The following IRF3 variants were observed in gnomAD, a reference collection of about 807,000 sequenced individuals.
IRF3 encodes the protein interferon regulatory factor 3.
A neutral mutation model predicts 43.2 loss-of-function variants in IRF3; 29 were observed. That is an observed-to-expected ratio of 0.67 (90% CI 0.50 to 0.91). The LOEUF (loss-of-function observed/expected upper bound fraction) is 0.91, where lower values mean the gene tolerates loss of function less well. Among genes scored for constraint, IRF3 ranks in the 40% least tolerant of loss-of-function variants. The pLI is 0.00. For synonymous variants in IRF3, 228 were observed against 233.9 expected (o/e 0.97, Z 0.23); for missense variants, 505 against 559.1 (o/e 0.90, Z 0.98).
intron 4 of IRF3, among the ~76,000 whole-genome samples, chr19:49,662,946 G>A (rs145207141): frequency 1.3e-3 from 196 of 152,338 alleles, no homozygotes; most frequent in Non-Finnish European, 2.5e-3. Context: ...CCAAGAGGCT[G>A]ACAGCCCCCT....
chr19:49,664,467 A>T (rs1244698252), intron 2 of IRF3: 1 of 1,530,558 alleles, frequency 6.5e-7, no homozygotes, highest in East Asian at 2.5e-5. Context: ...TTATTCCCGT[A>T]ACCCTGCAGC....
intron 1 of IRF3, chr19:49,665,366 C>G (rs2081635570): frequency 5.8e-6 from 1 of 173,544 alleles, no homozygotes; most frequent in African/African-American, 2.4e-5. Context: ...CCCCAGGTTT[C>G]GAGACTGAAC....
At chr19:49,663,953 C>T (rs1390334894) in intron 2 of IRF3, 13 of 220,410 alleles carry the variant, frequency 5.9e-5, no homozygotes, top group Non-Finnish European at 6.5e-5. Flanking sequence ...TCCTCGGCCT[C>T]CCAAAGTGCT....
chr19:49,662,237 G>A lies in IRF3; in HGVS notation c.693C>T (p.Ser231=), dbSNP rs145949138. 8.5e-4 allele frequency: 1,379 copies of A among 1,613,806 alleles called. 1 individual carries two copies. Among genetic ancestry groups the A allele is most frequent in the Non-Finnish European group, 1.1e-3 (1,312 of 1,180,060 alleles). ...CAGGCAGCGTCCTGTCTCCCACTTC[G>A]GACCCCACCAGCCGCAGGCCCTCCG... ...SCPEGLRLVG[S]EVGDRTLPGW... is the part of the protein sequence containing the mutation. The change falls in exon 6 of 8, where the codon TCC becomes TCT. Residue 231 remains serine, a synonymous_variant. Coordinates refer to ENST00000377139, the MANE Select transcript of IRF3 (RefSeq NM_001571.6).
intron 1 of IRF3, chr19:49,665,089 T>TCC: frequency 2.0e-6 from 1 of 489,352 alleles, no homozygotes; most frequent in Non-Finnish European, 3.7e-6. Flanking sequence ...GTGCAGACCC[T>TCC]CCACTCCCTC....
At chr19:49,661,664 C>A in intron 6 of IRF3, 1 of 334,380 alleles carries the variant, frequency 3.0e-6, no homozygotes. Flanking sequence ...ACTGCAATCT[C>A]CGCCTCCTGG....
In IRF3 at chr19:49,663,603, CA is replaced by C. The variant is rs2081460362; in HGVS notation, c.166-90del. Reference sequence around the variant, plus strand: ...AACCCTGTCTCCCGAGTCCTAACACCACCCTCTTTCCCTGGCAAGTTCTAAC... The same window carrying C: ...AACCCTGTCTCCCGAGTCCTAACACCCCCTCTTTCCCTGGCAAGTTCTAAC... On this transcript the variant is annotated intron_variant, in intron 2 of 7. Coordinates refer to ENST00000377139, the MANE Select transcript of IRF3 (RefSeq NM_001571.6). The C allele has an allele frequency of 2.4e-6, 3 of 1,276,296 alleles. No homozygotes were observed. In the African/African-American group the frequency reaches 4.4e-5, roughly 19 times the overall value. The allele number at this position is 1,276,296 out of a possible 1,614,324, so 79.1% of individuals were successfully genotyped here. A position where few individuals can be genotyped will look rare whatever the true frequency, so the allele number is the denominator to read the frequency against.
Position 49,664,504 on chromosome 19 carries a change from AG to A in IRF3, c.165+169del, listed in dbSNP as rs773381194. 1.1e-5 allele frequency: 17 copies of A among 1,567,076 alleles called. No individual in the cohort carries two copies. In the African/African-American group the frequency reaches 2.3e-4, roughly 21 times the overall value. On this transcript the variant is annotated intron_variant, in intron 2 of 7. Coordinates refer to ENST00000377139, the MANE Select transcript of IRF3 (RefSeq NM_001571.6). ...CCAACCCTGCTTGCGCCCCACCATC[AG>A]TCAGCGGATCCGGCTAGCCCCGCCC...
chr19:49,665,127 C>G, intron 1 of IRF3: 1 of 393,862 alleles, frequency 2.5e-6, no homozygotes, highest in South Asian at 4.0e-5. Context: ...CCTCCTCCCT[C>G]CCCCACATCA....
rs780528022 is a variant in IRF3 at position 49,663,563 on chromosome 19, T to A, written c.166-49A>T. 4 of 1,588,006 alleles carry A rather than the reference T, an allele frequency of 2.5e-6. No homozygotes were observed. The Admixed American group carries it at 6.7e-5, about 27-fold the overall frequency. On this transcript the variant is annotated intron_variant, in intron 2 of 7. Coordinates refer to ENST00000377139, the MANE Select transcript of IRF3 (RefSeq NM_001571.6). Reference sequence around the variant, plus strand: ...TGGTGGGGGAGGACGACTTAGATCCTGCTCCTGGGGCCCTAACCCTGTCTC... The same window carrying A: ...TGGTGGGGGAGGACGACTTAGATCCAGCTCCTGGGGCCCTAACCCTGTCTC...
In IRF3 at chr19:49,665,674, C is replaced by CT; in HGVS notation, c.-53dup. ...GCGTGCGGGCAGCTGGAACCCACCC[C>CT]TGTCTTGGAGCTCCGGGTAGCTCTC... On this transcript the variant is annotated 5_prime_UTR_variant, in exon 1 of 8. Coordinates refer to ENST00000377139, the MANE Select transcript of IRF3 (RefSeq NM_001571.6). The CT allele has an allele frequency of 9.1e-7, 1 of 1,102,830 alleles. No individual in the cohort carries two copies. The highest frequency in any genetic ancestry group is 1.3e-6 in the Non-Finnish European group (1 of 783,650). 68.3% of individuals were successfully genotyped at this position (1,102,830 alleles called of 1,614,324 possible).
intron 2 of IRF3, chr19:49,664,350 C>T (rs2081525059): frequency 1.0e-6 from 1 of 967,010 alleles, no homozygotes; most frequent in Non-Finnish European, 1.5e-6. Flanking sequence ...TCTGATGTTT[C>T]AAGAACCATC....
chr19:49,661,587 T>C (rs1294985439), intron 6 of IRF3: 4 of 164,846 alleles, frequency 2.4e-5, no homozygotes, highest in Non-Finnish European at 5.2e-5. Flanking sequence ...AGTTCTTTTT[T>C]TTTTGTTGTT....
chr19:49,661,462 A>T (rs145333511), intron 6 of IRF3: 1 of 155,330 alleles, frequency 6.4e-6, no homozygotes. Flanking sequence ...CAGCGCTGGC[A>T]GGCAGGTAGA....
chr19:49,660,021 ACACACACC>A (rs1359683079), intron 7 of IRF3, among the ~76,000 whole-genome samples, 188 bp from the exon 8 acceptor site: 5 of 117,166 alleles, frequency 4.3e-5, no homozygotes, highest in East Asian at 2.2e-4. Context: ...ACACACACAC[ACACACACC>A]CCCTGCTGTA....
At position 49,662,034 on chromosome 19, in the gene IRF3, AGCTCCTCGCTCACT is replaced by A. The variant is rs1226690868; in HGVS notation, c.882_895del (p.Val295AlafsTer9). On this transcript the variant is annotated frameshift_variant, in exon 6 of 8. Coordinates refer to ENST00000377139, the MANE Select transcript of IRF3 (RefSeq NM_001571.6). LOFTEE classifies it high-confidence loss of function. ...AGGCCCATGCCCGCTGTTGGGGAGC[AGCTCCTCGCTCACT>A]GCCCAGTATGTGTGGCAGTGCCCCA... The A allele has an allele frequency of 1.2e-6, 2 of 1,614,100 alleles. No homozygotes were observed. Among genetic ancestry groups the A allele is most frequent in the Non-Finnish European group, 1.7e-6 (2 of 1,179,992 alleles).
Position 49,662,297 on chromosome 19 carries a change from C to G in IRF3, c.633G>C (p.Arg211=), listed in dbSNP as rs149264568. 83 of 1,613,730 alleles carry G rather than the reference C, an allele frequency of 5.1e-5. No homozygotes were observed. The African/African-American group carries it at 1.0e-3, about 20-fold the overall frequency. The change falls in exon 6 of 8, where the codon CGG becomes CGC. Residue 211 remains arginine (R), a synonymous_variant. Coordinates refer to ENST00000377139, the MANE Select transcript of IRF3 (RefSeq NM_001571.6). The part of the protein sequence containing the change: ...EWEFEVTAFY[R]GRQVFQQTIS... ...TGGTCTGCTGGAAGACTTGGCGGCC[C>G]CGGTAGAAGGCTGTCACCTCGAACT...
intron 2 of IRF3, 198 bp downstream of exon 2, chr19:49,664,476 G>A (rs1446526618): frequency 5.2e-6 from 8 of 1,538,818 alleles, no homozygotes; most frequent in Non-Finnish European, 7.0e-6. Flanking sequence ...TAACCCTGCA[G>A]CTCCAACCCT....
chr19:49,660,027 A>ACACACACACACACACACACACACACCCCC (rs57168131), intron 7 of IRF3, among the ~76,000 whole-genome samples, 194 bp from the exon 8 acceptor site: 3 of 74,750 alleles, frequency 4.0e-5, no homozygotes, highest in African/African-American at 3.0e-4. Context: ...ACACACACAC[A>ACACACACACACACACACACACACACCCCC]CCCCCTGCTG....
Sources: allele counts gnomAD v4.1 joint callset (sites outside exome capture counted in the v4.1 genomes callset), GRCh38; gene constraint gnomAD v4.1.1; transcripts MANE v1.5; gene names NCBI Gene and HGNC (gene_info 2026-07-23, HGNC 2026-07-21).